The following TMEFF1 variants were observed in gnomAD, a reference collection of about 807,000 sequenced individuals.
TMEFF1 encodes the protein transmembrane protein with EGF like and two follistatin like domains 1, also known as tomoregulin-1.
In TMEFF1, 20 loss-of-function variants were observed where a neutral mutation model predicts 47.5. The observed-to-expected ratio is 0.42, with a 90% CI of 0.30 to 0.61. TMEFF1 has a LOEUF of 0.61. Among genes scored for constraint, TMEFF1 ranks in the 20% least tolerant of loss-of-function variants. TMEFF1 has a pLI of 0.19. For missense variants in TMEFF1, 411 were observed against 471.1 expected (o/e 0.87, Z 1.18); for synonymous variants, 162 against 166.3 (o/e 0.97, Z 0.20).
chr9:100,563,830 A>G (rs549797724), intron 8 of TMEFF1, among the ~76,000 whole-genome samples: 6 of 152,338 alleles, frequency 3.9e-5, no homozygotes, highest in African/African-American at 1.4e-4. Flanking sequence ...ATAAATTTTT[A>G]AGAGGAATAT....
At chr9:100,521,331 GACA>G (rs1838156337) in intron 5 of TMEFF1, among the ~76,000 whole-genome samples, 1 of 152,142 alleles carries the variant, frequency 6.6e-6, no homozygotes, top group African/African-American at 2.4e-5. Flanking sequence ...TTGGGTTTGT[GACA>G]GTTATGTTCG....
chr9:100,536,081 G>C (rs891623551), intron 5 of TMEFF1, among the ~76,000 whole-genome samples: 3 of 152,078 alleles, frequency 2.0e-5, no homozygotes, highest in Non-Finnish European at 2.9e-5. Flanking sequence ...TATCTTCTGT[G>C]GAAACGAGCA....
At position 100,516,741 on chromosome 9, in the gene TMEFF1, C is replaced by T; in HGVS notation, c.530C>T (p.Ala177Val). 1 of 1,613,500 alleles carries T rather than the reference C, an allele frequency of 6.2e-7. No individual in the cohort carries two copies. The highest frequency in any genetic ancestry group is 8.5e-7 in the Non-Finnish European group (1 of 1,179,814). Residue 177 changes from alanine to valine, a missense_variant, in exon 5 of 10, where the codon GCT becomes GTT. Coordinates refer to ENST00000374879, the MANE Select transcript of TMEFF1 (RefSeq NM_003692.5). The part of the protein sequence containing the change: ...HSKCGPCKYK[A>V]ECDEDAENVG... ...AAGTGTGGACCCTGCAAATATAAAG[C>T]TGAGTGTGATGAAGATGCAGAAAAT...
chr9:100,538,527 G>T (rs2026423), intron 5 of TMEFF1, among the ~76,000 whole-genome samples: 35,702 of 152,126 alleles, frequency 0.23, 4,714 homozygotes, highest in African/African-American at 0.34. Flanking sequence ...AATTGCATCT[G>T]TCTCTCACCC....
intron 5 of TMEFF1, 136 bp from the exon 6 acceptor site, chr9:100,547,608 G>C: frequency 1.8e-6 from 2 of 1,082,646 alleles, no homozygotes; most frequent in Non-Finnish European, 2.4e-6. Flanking sequence ...CTTTGCTTAA[G>C]CTTTCATCAG....
Position 100,473,881 on chromosome 9 carries a change from G to T in TMEFF1, c.196+141G>T. On this transcript the variant is annotated intron_variant, in intron 1 of 9. Transcript: ENST00000374879. This position sits in a 1 kb window ranked among gnomAD's most constrained non-coding sequence, Gnocchi z 5.4. ...GCCCGAGGGTGAGCGAGGGCGGAGGGCAGGGCGCGAGCGTGCGGTGTGGCT... is the reference window on the plus strand; with the variant it reads ...GCCCGAGGGTGAGCGAGGGCGGAGGTCAGGGCGCGAGCGTGCGGTGTGGCT... 9.2e-7 allele frequency: 1 copy of T among 1,091,252 alleles called. No homozygotes were observed. Among genetic ancestry groups the T allele is most frequent in the African/African-American group, 1.7e-5 (1 of 60,596 alleles). The allele number at this position is 1,091,252 out of a possible 1,614,324, so 67.6% of individuals were successfully genotyped here.
intron 1 of TMEFF1, among the ~76,000 whole-genome samples, chr9:100,479,426 A>AT (rs986529481): frequency 6.6e-6 from 1 of 152,142 alleles, no homozygotes; most frequent in African/African-American, 2.4e-5. Context: ...AGTTAAGTGG[A>AT]TTTATATATA....
rs970708402 is a variant in TMEFF1 at position 100,561,438 on chromosome 9, A to G, written c.817A>G (p.Met273Val). ...AGAAGATGTTTATATTGGAAACCAC[A>G]TGCCTTGCCCTGAAAACCTCAATGG... ...QREDVYIGNH[M>V]PCPENLNGYC... Residue 273 changes from methionine to valine, a missense_variant, in exon 8 of 10, where the codon ATG becomes GTG. By Grantham distance (21) the Met-to-Val change is conservative (BLOSUM62 1). Transcript: ENST00000374879. 34 of 1,613,798 alleles carry G rather than the reference A, an allele frequency of 2.1e-5. No homozygotes were observed. Among genetic ancestry groups the G allele is most frequent in the Non-Finnish European group, 2.7e-5 (32 of 1,179,878 alleles).
intron 3 of TMEFF1, among the ~76,000 whole-genome samples, chr9:100,511,808 G>A (rs1837971706): frequency 6.6e-6 from 1 of 152,150 alleles, no homozygotes; most frequent in Non-Finnish European, 1.5e-5. Flanking sequence ...ACCTAGGGAT[G>A]TGTATCGTAA....
intron 5 of TMEFF1, among the ~76,000 whole-genome samples, chr9:100,538,406 C>T (rs1329001926): frequency 6.6e-6 from 1 of 152,102 alleles, no homozygotes; most frequent in Non-Finnish European, 1.5e-5. Flanking sequence ...GGGGGGAATT[C>T]GTTCTGATAC....
intron 7 of TMEFF1, among the ~76,000 whole-genome samples, chr9:100,556,602 G>T (rs1476022510): frequency 6.6e-6 from 1 of 152,138 alleles, no homozygotes; most frequent in Non-Finnish European, 1.5e-5. Flanking sequence ...GATGGTATTA[G>T]AATAAACTGT....
At chr9:100,535,304 TATGCTTAGTG>T (rs1838481208) in intron 5 of TMEFF1, among the ~76,000 whole-genome samples, 1 of 152,250 alleles carries the variant, frequency 6.6e-6, no homozygotes, top group South Asian at 2.1e-4. Flanking sequence ...AGAAATCTGT[TATGCTTAGTG>T]AACGCTTTGT....
At chr9:100,538,719 C>T (rs1235249107) in intron 5 of TMEFF1, among the ~76,000 whole-genome samples, 2 of 152,154 alleles carry the variant, frequency 1.3e-5, no homozygotes, top group Non-Finnish European at 2.9e-5. Flanking sequence ...TTTTGAGATT[C>T]ATTTATGTTG....
At position 100,539,649 on chromosome 9, in the gene TMEFF1, G is replaced by A. The variant is rs1485363165; in HGVS notation, c.561-8095G>A. Among the ~76,000 whole-genome samples the A allele has an allele frequency of 2.6e-5, 4 of 152,270 alleles. No individual in the cohort carries two copies. The East Asian group carries it at 7.7e-4, about 29-fold the overall frequency. ...GTGAGTGTTACAGCTCATAAAGGTG[G>A]CGCGGACCCAAAGAGTGAGCAGCAG... On this transcript the variant is annotated intron_variant, in intron 5 of 9. Coordinates refer to ENST00000374879, the MANE Select transcript of TMEFF1 (RefSeq NM_003692.5).
chr9:100,477,379 A>C (rs1380840187), intron 1 of TMEFF1, among the ~76,000 whole-genome samples: 1 of 152,150 alleles, frequency 6.6e-6, no homozygotes, highest in Non-Finnish European at 1.5e-5. Context: ...TATTATTTAA[A>C]AGATTCTTTC....
chr9:100,530,898 G>T (rs1387891178), intron 5 of TMEFF1, among the ~76,000 whole-genome samples: 3 of 152,116 alleles, frequency 2.0e-5, no homozygotes, highest in Non-Finnish European at 4.4e-5. Flanking sequence ...ATGGTCAAGT[G>T]GGCTTCATCC....
Position 100,550,156 on chromosome 9 carries a change from GA to G in TMEFF1, c.774del (p.Asp259MetfsTer62). 1 of 1,611,922 alleles carries G rather than the reference GA, an allele frequency of 6.2e-7. No individual in the cohort carries two copies. Among genetic ancestry groups the G allele is most frequent in the Non-Finnish European group, 8.5e-7 (1 of 1,179,092 alleles). ...ATGGACTACAATATCGACCAGATGT[GA>G]AAGGTACTGAATCATGCATCTCCAA... is the stretch of plus-strand genomic sequence containing the variant. ...DDGLQYRPDV[K>X]DASDQREDVY... is the part of the protein sequence containing the mutation. On this transcript the variant is annotated frameshift_variant, in exon 7 of 10. Transcript: ENST00000374879. LOFTEE classifies it high-confidence loss of function.
intron 6 of TMEFF1, among the ~76,000 whole-genome samples, chr9:100,549,466 T>A (rs1838794419): frequency 6.6e-6 from 1 of 152,000 alleles, no homozygotes; most frequent in South Asian, 2.1e-4. Flanking sequence ...AGTTTGAGAG[T>A]TTAATTGAAA....
chr9:100,498,187 CT>C (rs1181637539), intron 1 of TMEFF1, among the ~76,000 whole-genome samples: 6 of 152,132 alleles, frequency 3.9e-5, no homozygotes, highest in African/African-American at 1.2e-4. Context: ...AGTTTTAAGT[CT>C]AGTAAGATTT....
Sources: gnomAD v4.1 joint callset for allele counts (sites outside exome capture counted in the v4.1 genomes callset) on GRCh38, gnomAD v4.1.1 for gene constraint, Gnocchi (gnomAD v3.1) non-coding constraint, MANE v1.5 for transcripts, NCBI Gene and HGNC (gene_info 2026-07-23, HGNC 2026-07-21) for gene names.